PTBP3: variants seen among roughly 807,000 people sequenced by gnomAD.
The protein encoded by PTBP3 is polypyrimidine tract binding protein 3, also known as polypyrimidine tract-binding protein 3.
Under a neutral mutation model 58.7 loss-of-function variants are expected in PTBP3, and 20 were observed. That is an observed-to-expected ratio of 0.34 (90% CI 0.24 to 0.50). PTBP3 has a LOEUF of 0.50. Among genes scored for constraint, PTBP3 ranks in the 20% least tolerant of loss-of-function variants. PTBP3 has a pLI of 0.98. For synonymous variants in PTBP3, 185 were observed against 219.8 expected, an observed-to-expected ratio of 0.84 and a Z score of 1.40; for missense variants, 509 against 637.2, an observed-to-expected ratio of 0.80 and a Z score of 2.17.
At chr9:112,271,581 C>A (rs1035987083) in intron 3 of PTBP3, among the ~76,000 whole-genome samples, 6 of 151,916 alleles carry the variant, frequency 3.9e-5, no homozygotes, top group Non-Finnish European at 8.8e-5. Context: ...AAAAAATTAG[C>A]CAGGTGTGGT....
intron 2 of PTBP3, among the ~76,000 whole-genome samples, chr9:112,279,110 G>A (rs1022951530): frequency 6.6e-6 from 1 of 152,042 alleles, no homozygotes; most frequent in African/African-American, 2.4e-5. Flanking sequence ...GTAAAGATTT[G>A]ATAAATAATC....
At chr9:112,302,743 C>A (rs561470921) in intron 1 of PTBP3, among the ~76,000 whole-genome samples, 43 of 152,132 alleles carry the variant, frequency 2.8e-4, no homozygotes, top group African/African-American at 9.6e-4. Flanking sequence ...TGTCCGCCCA[C>A]AACACCCAGC....
At chr9:112,333,404 G>A (rs1309802286) in intron 1 of PTBP3, 66 bp downstream of exon 1, 1 of 1,541,204 alleles carries the variant, frequency 6.5e-7, no homozygotes, top group South Asian at 1.2e-5. Flanking sequence ...TACGCGTCCC[G>A]CGGAGAGCCG....
intron 2 of PTBP3, chr9:112,281,098 G>C (rs1425208003): frequency 2.6e-5 from 4 of 152,176 alleles, no homozygotes; most frequent in African/African-American, 9.7e-5. Context: ...ACTTGAGGAA[G>C]AGTTTGAGAC....
chr9:112,238,920 A>G (rs1835536652), intron 7 of PTBP3, among the ~76,000 whole-genome samples: 1 of 152,248 alleles, frequency 6.6e-6, no homozygotes, highest in South Asian at 2.1e-4. Flanking sequence ...AAGGATCCTC[A>G]GGCAGAATAT....
chr9:112,320,292 ATATATAT>A (rs1185950410), intron 1 of PTBP3, among the ~76,000 whole-genome samples: 9 of 38,546 alleles, frequency 2.3e-4, no homozygotes, highest in Admixed American at 1.5e-3. Context: ...AAAAAAAAAA[ATATATAT>A]ATATATATAT....
intron 12 of PTBP3, 60 bp from the exon 13 acceptor site, chr9:112,224,270 ACT>A (rs1419792104): frequency 8.8e-6 from 9 of 1,025,296 alleles, no homozygotes; most frequent in Non-Finnish European, 1.3e-5. Context: ...AAGCAGATTA[ACT>A]CTTGCAATCA....
At chr9:112,323,542 T>C (rs1425590995) in intron 1 of PTBP3, among the ~76,000 whole-genome samples, 1 of 152,134 alleles carries the variant, frequency 6.6e-6, no homozygotes, top group Non-Finnish European at 1.5e-5. Flanking sequence ...AAAATGTAGA[T>C]AACATGCAAT....
At chr9:112,321,914 T>A (rs1366822584) in intron 1 of PTBP3, among the ~76,000 whole-genome samples, 1 of 151,856 alleles carries the variant, frequency 6.6e-6, no homozygotes, top group Non-Finnish European at 1.5e-5. Flanking sequence ...GGCGGGCGGA[T>A]CACAAGGCCA....
intron 7 of PTBP3, among the ~76,000 whole-genome samples, chr9:112,248,649 TAGG>T (rs1483435142): frequency 6.6e-6 from 1 of 152,172 alleles, no homozygotes; most frequent in Non-Finnish European, 1.5e-5. Flanking sequence ...CTCCTTTCAG[TAGG>T]AGATGGCTTA....
intron 11 of PTBP3, 150 bp from the exon 12 acceptor site, chr9:112,227,777 C>A: frequency 1.6e-6 from 1 of 621,392 alleles, no homozygotes; most frequent in East Asian, 2.8e-5. Context: ...TCCAAAAACC[C>A]TCAAGGAAAT....
chr9:112,304,748 A>G (rs915864532), intron 1 of PTBP3, among the ~76,000 whole-genome samples: 1 of 152,068 alleles, frequency 6.6e-6, no homozygotes, highest in African/African-American at 2.4e-5. Flanking sequence ...TAATTTTTGT[A>G]GACAGAAAAA....
intron 1 of PTBP3, among the ~76,000 whole-genome samples, chr9:112,327,626 T>A (rs560439178): frequency 3.3e-5 from 5 of 152,284 alleles, no homozygotes; most frequent in African/African-American, 1.2e-4. Context: ...CTAATTTTCT[T>A]AATTTTGGCA....
At position 112,220,437 on chromosome 9, in the gene PTBP3, C is replaced by T; in HGVS notation, c.*3414G>A. ...AGAGGCATTCATAGGAGCCACTTCT[C>T]ATCAACTAAAACAGAACCCATGATT... On this transcript the variant is annotated 3_prime_UTR_variant, in exon 14 of 14. Coordinates refer to ENST00000374257, the MANE Select transcript of PTBP3 (RefSeq NM_001163788.4). 3.4e-6 allele frequency: 4 copies of T among 1,168,636 alleles called. No individual in the cohort carries two copies. Among genetic ancestry groups the T allele is most frequent in the Non-Finnish European group, 4.3e-6 (4 of 932,900 alleles). The allele number at this position is 1,168,636 out of a possible 1,614,324, so 72.4% of individuals were successfully genotyped here.
At position 112,220,567 on chromosome 9, in the gene PTBP3, G is replaced by A; in HGVS notation, c.*3284C>T. On this transcript the variant is annotated 3_prime_UTR_variant, in exon 14 of 14. Transcript: ENST00000374257. ...CTCAGCAACTTTTAACAGTAAATCA[G>A]AAACATTACTTCAAATAATTGATTT... The A allele has an allele frequency of 1.0e-6, 1 of 1,004,690 alleles. No homozygotes were observed. Among genetic ancestry groups the A allele is most frequent in the Non-Finnish European group, 1.2e-6 (1 of 841,278 alleles). 62.2% of individuals were successfully genotyped at this position (1,004,690 alleles called of 1,614,324 possible).
chr9:112,259,850 G>T (rs1157767063), intron 5 of PTBP3, among the ~76,000 whole-genome samples: 1 of 152,126 alleles, frequency 6.6e-6, no homozygotes, highest in African/African-American at 2.4e-5. Flanking sequence ...TGAAATTAGT[G>T]TCTTACCCAC....
chr9:112,287,009 C>T (rs1271240323), intron 2 of PTBP3, among the ~76,000 whole-genome samples: 1 of 151,916 alleles, frequency 6.6e-6, no homozygotes, highest in South Asian at 2.1e-4. Flanking sequence ...GAAAAGTGGT[C>T]CCCCCTCATC....
the PTBP3 span, among the ~76,000 whole-genome samples, chr9:112,377,903 A>G: frequency 1.3e-5 from 2 of 152,188 alleles, no homozygotes; most frequent in Admixed American, 6.5e-5. Context: ...GCCAGGTTCC[A>G]TATCTTGAGT....
chr9:112,257,175 T>C (rs1836403266), intron 5 of PTBP3, among the ~76,000 whole-genome samples: 1 of 152,200 alleles, frequency 6.6e-6, no homozygotes, highest in Non-Finnish European at 1.5e-5. Context: ...AGAACTTGCC[T>C]GAATGGGCTA....
Sources: gnomAD v4.1 joint callset for allele counts (sites outside exome capture counted in the v4.1 genomes callset) on GRCh38, gnomAD v4.1.1 for gene constraint, MANE v1.5 for transcripts, NCBI Gene and HGNC (gene_info 2026-07-23, HGNC 2026-07-21) for gene names.